Variants in DCBLD1 observed in about 807,000 individuals in gnomAD.
DCBLD1 encodes the protein discoidin, CUB and LCCL domain-containing protein 1.
DCBLD1 carries 57 observed loss-of-function variants against 71.5 expected under a neutral mutation model. The observed-to-expected ratio is 0.80, with a 90% confidence interval of 0.64 to 0.99. DCBLD1 has a LOEUF of 0.99. Among genes scored for constraint, DCBLD1 ranks in the 50% least tolerant of loss-of-function variants. DCBLD1 has a pLI of 0.00. For missense variants in DCBLD1, 891 were observed against 923.5 expected (o/e 0.96, Z 0.46); for synonymous variants, 380 against 363.8 (o/e 1.04, Z -0.51).
chr6:117,551,961 C>CA (rs895481242), downstream of DCBLD1, among the ~76,000 whole-genome samples: 86 of 148,024 alleles, frequency 5.8e-4, no homozygotes, highest in Non-Finnish European at 8.8e-4. Context: ...CTCCTCTCTA[C>CA]AAAAAAAAAA....
chr6:117,553,320 G>T (rs1364499051), downstream of DCBLD1, among the ~76,000 whole-genome samples: 1 of 152,100 alleles, frequency 6.6e-6, no homozygotes, highest in Non-Finnish European at 1.5e-5. Context: ...CACAAAACCT[G>T]TATCCACTTC....
intron 1 of DCBLD1, among the ~76,000 whole-genome samples, chr6:117,502,587 G>A (rs1777700792): frequency 6.6e-6 from 1 of 152,180 alleles, no homozygotes; most frequent in Non-Finnish European, 1.5e-5. Flanking sequence ...AGGGAAGAGG[G>A]CTGCTTTGAG....
At chr6:117,518,036 C>T (rs910908825) in intron 2 of DCBLD1, among the ~76,000 whole-genome samples, 5 of 152,216 alleles carry the variant, frequency 3.3e-5, no homozygotes, top group Non-Finnish European at 4.4e-5. Context: ...TCTTTTCTAT[C>T]GCACTGTCAG....
chr6:117,498,710 G>A (rs944736658), intron 1 of DCBLD1, among the ~76,000 whole-genome samples: 9 of 151,916 alleles, frequency 5.9e-5, no homozygotes, highest in African/African-American at 1.7e-4. Flanking sequence ...ACATTTCTCC[G>A]TATTTTTTCA....
intron 1 of DCBLD1, among the ~76,000 whole-genome samples, chr6:117,500,784 A>G (rs1030814368): frequency 2.6e-5 from 4 of 152,022 alleles, no homozygotes; most frequent in African/African-American, 7.3e-5. Context: ...AATCGCTTGA[A>G]CCCAGGAGGC....
At chr6:117,483,738 G>T (rs1776987154) in intron 1 of DCBLD1, among the ~76,000 whole-genome samples, 2 of 150,786 alleles carry the variant, frequency 1.3e-5, no homozygotes, top group African/African-American at 4.9e-5. Flanking sequence ...GCTTTCTGCC[G>T]AGTTGTTTCA....
At chr6:117,530,718 TTTCCTC>T (rs1395759989) in intron 5 of DCBLD1, among the ~76,000 whole-genome samples, 1 of 152,190 alleles carries the variant, frequency 6.6e-6, no homozygotes, top group Non-Finnish European at 1.5e-5. Flanking sequence ...ATTCAGGACT[TTTCCTC>T]TTCAACTGGC....
rs1487949283 is a variant in DCBLD1, at chr6:117,547,904, C to G, written c.1616-3C>G. ...CTAGCTGCCATCTGTCTTGTGGTTT[C>G]AGATTACCAGCAGCCCCTCATGATT... On this transcript the variant is annotated splice_region_variant and splice_polypyrimidine_tract_variant and intron_variant, in intron 14 of 14. Transcript: ENST00000338728. 6.4e-7 allele frequency: 1 copy of G among 1,550,514 alleles called. No individual in the cohort carries two copies. The highest frequency in any genetic ancestry group is 2.0e-5 in the Admixed American group (1 of 50,998).
downstream of DCBLD1, among the ~76,000 whole-genome samples, chr6:117,550,419 C>T (rs757027903): frequency 1.3e-5 from 2 of 152,068 alleles, no homozygotes; most frequent in Non-Finnish European, 1.5e-5. Flanking sequence ...TATGATAAGG[C>T]GTGAATGAGA....
chr6:117,564,186 C>T (rs1166878801), intron 14 of DCBLD1, among the ~76,000 whole-genome samples: 1 of 151,982 alleles, frequency 6.6e-6, no homozygotes, highest in Non-Finnish European at 1.5e-5. Flanking sequence ...CACTATGTTG[C>T]CCAGGTTGGT....
At chr6:117,519,676 T>C in intron 2 of DCBLD1, 140 bp from the exon 3 acceptor site, 1 of 1,159,724 alleles carries the variant, frequency 8.6e-7, no homozygotes, top group Non-Finnish European at 1.2e-6. Flanking sequence ...AGCGTCAAGC[T>C]AAATTTCAGT....
In DCBLD1 at chr6:117,514,017, G is replaced by A. The variant is rs1011376550; in HGVS notation, c.326-5799G>A. Among the ~76,000 whole-genome samples, 7 of 152,158 alleles carry A rather than the reference G, an allele frequency of 4.6e-5. No individual in the cohort carries two copies. The South Asian group carries it at 1.0e-3, about 23-fold the overall frequency. On this transcript the variant is annotated intron_variant, in intron 2 of 14. Coordinates refer to ENST00000338728, the MANE Select transcript of DCBLD1 (RefSeq NM_001366458.2). ...TAAAGGAGTCTGGCGGAGCACTGAG[G>A]ACATTGCTTAGGACAGACTCCCAGG...
chr6:117,485,993 G>C (rs1216620524), intron 1 of DCBLD1, among the ~76,000 whole-genome samples: 1 of 152,156 alleles, frequency 6.6e-6, no homozygotes, highest in Non-Finnish European at 1.5e-5. Flanking sequence ...AGAAGAAAGA[G>C]GTTATGTTAA....
At chr6:117,492,651 G>A (rs925767010) in intron 1 of DCBLD1, among the ~76,000 whole-genome samples, 1 of 152,140 alleles carries the variant, frequency 6.6e-6, no homozygotes, top group Admixed American at 6.6e-5. Flanking sequence ...TTATAGCATT[G>A]CAATACATCC....
chr6:117,493,557 G>T (rs1777368580), intron 1 of DCBLD1, among the ~76,000 whole-genome samples: 2 of 152,116 alleles, frequency 1.3e-5, no homozygotes, highest in Admixed American at 1.3e-4. Flanking sequence ...TTAATTTTGA[G>T]ACAAAAAGAG....
At chr6:117,489,769 C>CA (rs1264676148) in intron 1 of DCBLD1, among the ~76,000 whole-genome samples, 1 of 152,156 alleles carries the variant, frequency 6.6e-6, no homozygotes, top group African/African-American at 2.4e-5. Flanking sequence ...CCTGTGGTCC[C>CA]AGCTACTTGG....
intron 14 of DCBLD1, chr6:117,560,609 G>A (rs1020794090): frequency 5.1e-6 from 1 of 194,816 alleles, no homozygotes; most frequent in Non-Finnish European, 1.1e-5. Flanking sequence ...CTGTTGACTT[G>A]TAATTATCAA....
chr6:117,551,008 C>T (rs1055178970), downstream of DCBLD1, among the ~76,000 whole-genome samples: 3 of 152,198 alleles, frequency 2.0e-5, no homozygotes, highest in Non-Finnish European at 4.4e-5. Context: ...CATGCAGTCA[C>T]CCCATGCCAC....
At chr6:117,507,019 A>T (rs1777866565) in intron 2 of DCBLD1, among the ~76,000 whole-genome samples, 1 of 152,242 alleles carries the variant, frequency 6.6e-6, no homozygotes, top group South Asian at 2.1e-4. Flanking sequence ...AAAGGATTTT[A>T]AAACTTAAAA....
Sources: gnomAD v4.1 joint callset for allele counts (sites outside exome capture counted in the v4.1 genomes callset) on GRCh38, gnomAD v4.1.1 for gene constraint, MANE v1.5 for transcripts, NCBI Gene and HGNC (gene_info 2026-07-23, HGNC 2026-07-21) for gene names.